The following PTPRR variants were observed in gnomAD, a reference collection of about 807,000 sequenced individuals.
The protein encoded by PTPRR is protein tyrosine phosphatase receptor type R, also known as receptor-type tyrosine-protein phosphatase R.
Under a neutral mutation model 77.2 loss-of-function variants are expected in PTPRR, and 38 were observed. That is an observed-to-expected ratio of 0.49 (90% confidence interval 0.38 to 0.65). The LOEUF is 0.65. Ranked by LOEUF, PTPRR falls within the 30% of genes least tolerant of loss-of-function variation. The pLI, the probability that PTPRR is intolerant of heterozygous loss-of-function variation, is 0.00. For missense variants in PTPRR, 744 were observed against 799.2 expected (o/e 0.93, Z 0.83); for synonymous variants, 299 against 283.1 (o/e 1.06, Z -0.57).
intron 2 of PTPRR, among the ~76,000 whole-genome samples, chr12:70,885,792 A>G (rs1893230523): frequency 6.6e-6 from 1 of 152,158 alleles, no homozygotes; most frequent in African/African-American, 2.4e-5. Context: ...TTGGCCTCCC[A>G]AAGTGTTGGA....
At chr12:70,646,665 A>G (rs919352500) in intron 13 of PTPRR, among the ~76,000 whole-genome samples, 1 of 152,198 alleles carries the variant, frequency 6.6e-6, no homozygotes, top group African/African-American at 2.4e-5. Context: ...CTAGGGCTTT[A>G]TCTCCAAGTG....
chr12:70,785,782 C>T (rs369526538), intron 2 of PTPRR, among the ~76,000 whole-genome samples: 4 of 152,152 alleles, frequency 2.6e-5, no homozygotes, highest in South Asian at 4.1e-4. Context: ...AGAAAAATCA[C>T]GATTTAACCA....
chr12:70,741,520 G>A (rs538923135), intron 6 of PTPRR, among the ~76,000 whole-genome samples: 1 of 152,086 alleles, frequency 6.6e-6, no homozygotes, highest in Non-Finnish European at 1.5e-5. Flanking sequence ...TGCTGTATTC[G>A]GGCTGCCAGG....
At chr12:70,668,237 A>G (rs982368900) in intron 10 of PTPRR, among the ~76,000 whole-genome samples, 46 of 151,722 alleles carry the variant, frequency 3.0e-4, no homozygotes, top group African/African-American at 9.4e-4. Context: ...AGAGGAGGAT[A>G]AGGAAGAGGA....
chr12:70,813,468 C>T (rs770942486), intron 2 of PTPRR, among the ~76,000 whole-genome samples: 9 of 152,190 alleles, frequency 5.9e-5, no homozygotes, highest in African/African-American at 1.2e-4. Flanking sequence ...TTGAACTCAA[C>T]AATTTTCTAA....
chr12:70,726,641 C>T (rs947216554), intron 6 of PTPRR, among the ~76,000 whole-genome samples: 3 of 150,020 alleles, frequency 2.0e-5, no homozygotes, highest in African/African-American at 7.4e-5. Context: ...AGTGCAGTGG[C>T]GTGATCATAG....
At chr12:70,915,126 G>C (rs1893757216) in intron 1 of PTPRR, among the ~76,000 whole-genome samples, 1 of 152,158 alleles carries the variant, frequency 6.6e-6, no homozygotes, top group Non-Finnish European at 1.5e-5. Context: ...GGGAAGCTAG[G>C]AAGTAATGAC....
At chr12:70,907,060 G>T (rs1045903171) in intron 1 of PTPRR, 4 of 152,100 alleles carry the variant, frequency 2.6e-5, no homozygotes, top group African/African-American at 4.8e-5. Context: ...TCCAGGACTG[G>T]TTTTTCTAAG....
chr12:70,667,246 G>A (rs776406235), intron 10 of PTPRR, among the ~76,000 whole-genome samples: 3 of 152,062 alleles, frequency 2.0e-5, no homozygotes, highest in Non-Finnish European at 4.4e-5. Context: ...ATGAGCCACC[G>A]TGCCTGGCTG....
At chr12:70,705,145 T>C (rs933293702) in intron 6 of PTPRR, among the ~76,000 whole-genome samples, 3 of 152,144 alleles carry the variant, frequency 2.0e-5, no homozygotes, top group African/African-American at 7.2e-5. Context: ...ATAAATATTA[T>C]GGGCCAGGGC....
rs770831184 is a variant in PTPRR, at chr12:70,662,487, A to C, written c.1608+8T>G. 1 of 1,541,640 alleles carries C rather than the reference A, an allele frequency of 6.5e-7. No homozygotes were observed. The highest frequency in any genetic ancestry group is 8.9e-7 in the Non-Finnish European group (1 of 1,118,276). ...ACTTTGTAGATGGCTATAGCTACAT[A>C]ATCTTACCTTTAAGACAAGGTTTCG... is the stretch of plus-strand genomic sequence containing the variant. On this transcript the variant is annotated splice_region_variant and intron_variant, in intron 11 of 13. Coordinates refer to ENST00000283228, the MANE Select transcript of PTPRR (RefSeq NM_002849.4).
At chr12:70,813,533 G>A (rs774434020) in intron 2 of PTPRR, among the ~76,000 whole-genome samples, 1 of 152,172 alleles carries the variant, frequency 6.6e-6, no homozygotes. Flanking sequence ...TCCACTTGCA[G>A]GTGTCAAAGA....
intron 2 of PTPRR, among the ~76,000 whole-genome samples, chr12:70,823,108 GACAC>G (rs58549756): frequency 0.21 from 29,310 of 139,438 alleles, 3,379 homozygotes; most frequent in Admixed American, 0.34. Flanking sequence ...CTCTCTCTCT[GACAC>G]ACACACACAC....
intron 2 of PTPRR, among the ~76,000 whole-genome samples, chr12:70,871,299 A>G (rs2137091390): frequency 6.6e-6 from 1 of 152,266 alleles, no homozygotes; most frequent in Non-Finnish European, 1.5e-5. Flanking sequence ...GGATTAGGAG[A>G]AGTTTGTCTT....
intron 1 of PTPRR, 141 bp downstream of exon 1, chr12:70,920,192 A>T: frequency 1.2e-6 from 1 of 827,306 alleles, no homozygotes; most frequent in Non-Finnish European, 1.9e-6. Flanking sequence ...CGACTCCCTC[A>T]CCCCTTCCCT....
intron 2 of PTPRR, among the ~76,000 whole-genome samples, chr12:70,802,172 A>G (rs979357760): frequency 3.9e-5 from 6 of 152,316 alleles, no homozygotes; most frequent in East Asian, 1.9e-4. Context: ...ATTGAAATAA[A>G]ATAAATAATA....
chr12:70,651,139 G>A (rs928805675), intron 13 of PTPRR, among the ~76,000 whole-genome samples: 1 of 152,160 alleles, frequency 6.6e-6, no homozygotes. Flanking sequence ...TTATCTAACA[G>A]TCTCCTTGAT....
rs376621391 is a variant in PTPRR at position 70,816,068 on chromosome 12, A to T, written c.358-51290T>A. 1.3e-3 allele frequency among the ~76,000 whole-genome samples: 201 copies of T among 152,252 alleles called. 1 individual carries two copies. In the South Asian group the frequency reaches 0.015, roughly 12 times the overall value. The stretch of plus-strand genomic sequence containing the variant: ...AATCATCCTTTAGGAGGACTGAGGG[A>T]GTGGCATTGTTTACGGTAAAAATAG... On this transcript the variant is annotated intron_variant, in intron 2 of 13. Transcript: ENST00000283228.
chr12:70,863,743 G>A (rs1892793440), intron 2 of PTPRR, among the ~76,000 whole-genome samples: 1 of 151,932 alleles, frequency 6.6e-6, no homozygotes, highest in East Asian at 1.9e-4. Flanking sequence ...CTGTTTTTGT[G>A]TTCAGAATTT....
Sources: gnomAD v4.1 joint callset for allele counts (sites outside exome capture counted in the v4.1 genomes callset) on GRCh38, gnomAD v4.1.1 for gene constraint, MANE v1.5 for transcripts, NCBI Gene and HGNC (gene_info 2026-07-23, HGNC 2026-07-21) for gene names.